FBXO34: variants seen among roughly 807,000 people sequenced by gnomAD.
FBXO34 encodes F-box protein 34, also known as F-box only protein 34.
FBXO34 carries 12 observed loss-of-function variants against 24.5 expected under a neutral mutation model. The ratio of observed to expected loss-of-function variants is 0.49; its 90% CI spans 0.31 to 0.79. The LOEUF is 0.79. Ranked by LOEUF, FBXO34 falls within the 30% of genes least tolerant of loss-of-function variation. The pLI is 0.04. For synonymous variants in FBXO34, 320 were observed against 311.9 expected, an observed-to-expected ratio of 1.03 and a Z score of -0.27; for missense variants, 823 against 857.7, an observed-to-expected ratio of 0.96 and a Z score of 0.51.
the FBXO34 span, among the ~76,000 whole-genome samples, chr14:55,439,459 C>T: frequency 0.096 from 14,617 of 151,640 alleles, 769 homozygotes; most frequent in African/African-American, 0.14. Context: ...GAAGTCACTA[C>T]AGCTAGCACA....
intron 1 of FBXO34, among the ~76,000 whole-genome samples, chr14:55,348,550 C>G (rs1361867891): frequency 6.6e-6 from 1 of 151,998 alleles, no homozygotes; most frequent in Non-Finnish European, 1.5e-5. Context: ...TAACTGTTTT[C>G]AGATACCAGT....
intron 1 of FBXO34, among the ~76,000 whole-genome samples, chr14:55,277,179 G>A (rs1329661283): frequency 6.6e-6 from 1 of 152,138 alleles, no homozygotes; most frequent in Non-Finnish European, 1.5e-5. Context: ...TTAATCTCCT[G>A]CAATCATATT....
At chr14:55,318,341 T>G (rs1166184568) in intron 1 of FBXO34, 1 of 2,254 alleles carries the variant, frequency 4.4e-4, no homozygotes, top group Non-Finnish European at 9.1e-3. Flanking sequence ...GTCATATATA[T>G]ATATATATAT....
chr14:55,349,023 C>T (rs1260600613), intron 1 of FBXO34, among the ~76,000 whole-genome samples: 4 of 152,088 alleles, frequency 2.6e-5, no homozygotes, highest in African/African-American at 4.8e-5. Flanking sequence ...GGTACTATTG[C>T]CTCACTCCCA....
chr14:55,362,835 A>T (rs1566573135), downstream of FBXO34, among the ~76,000 whole-genome samples: 1 of 148,656 alleles, frequency 6.7e-6, no homozygotes. Context: ...TGTCTTGACA[A>T]TTTTTTTTTT....
chr14:55,436,687 C>T, the FBXO34 span: 1 of 1,614,174 alleles, frequency 6.2e-7, no homozygotes, highest in Non-Finnish European at 8.5e-7. Context: ...GTCAGTATCA[C>T]CAGGGTGCAG....
chr14:55,315,092 T>C (rs1882883111), intron 1 of FBXO34, among the ~76,000 whole-genome samples: 1 of 152,260 alleles, frequency 6.6e-6, no homozygotes, highest in Non-Finnish European at 1.5e-5. Flanking sequence ...ATAACATTGC[T>C]TAGACTAGTA....
chr14:55,370,080 A>G (rs1216004947), downstream of FBXO34, among the ~76,000 whole-genome samples: 1 of 152,202 alleles, frequency 6.6e-6, no homozygotes, highest in Non-Finnish European at 1.5e-5. Context: ...TTGACATATG[A>G]TTGCGTTTTC....
rs1336814923 is a variant in FBXO34, at chr14:55,352,130, C to A, written c.1740C>A (p.His580Gln). The change falls in exon 2 of 2, where the codon CAC becomes CAA. Residue 580 changes from histidine (H) to glutamine (Q), a missense_variant. Coordinates refer to ENST00000313833, the MANE Select transcript of FBXO34 (RefSeq NM_017943.4). Reference protein sequence around the residue: ...EPQQYMAFLPHHIMVKIFRLL... With the variant: ...EPQQYMAFLPQHIMVKIFRLL... Reference sequence around the variant, plus strand: ...AGCAGTACATGGCTTTTCTGCCCCACCACATTATGGTAAAAATCTTCAGGT... The same window carrying A: ...AGCAGTACATGGCTTTTCTGCCCCAACACATTATGGTAAAAATCTTCAGGT... 2.5e-6 allele frequency: 4 copies of A among 1,614,154 alleles called. No individual in the cohort carries two copies. The highest frequency in any genetic ancestry group is 3.4e-6 in the Non-Finnish European group (4 of 1,180,014).
chr14:55,437,061 G>C, the FBXO34 span: 12 of 1,543,492 alleles, frequency 7.8e-6, no homozygotes, highest in Admixed American at 1.7e-5. Flanking sequence ...ACAACAGACA[G>C]AACAGCATGT....
the FBXO34 span, among the ~76,000 whole-genome samples, chr14:55,437,745 A>T: frequency 6.6e-6 from 1 of 152,234 alleles, no homozygotes; most frequent in African/African-American, 2.4e-5. Context: ...TTTGAGTTTT[A>T]AATGTAAATA....
chr14:55,349,562 T>C (rs1884268461), intron 1 of FBXO34, among the ~76,000 whole-genome samples: 1 of 151,800 alleles, frequency 6.6e-6, no homozygotes, highest in African/African-American at 2.4e-5. Flanking sequence ...CATCTAAATA[T>C]TCAGTATTCA....
At chr14:55,283,296 C>T (rs191355800) in intron 1 of FBXO34, among the ~76,000 whole-genome samples, 217 of 152,128 alleles carry the variant, frequency 1.4e-3, no homozygotes, top group South Asian at 2.3e-3. Context: ...AATACACCAA[C>T]ATTTTTAACT....
downstream of FBXO34, among the ~76,000 whole-genome samples, chr14:55,357,847 A>G (rs1267436445): frequency 6.6e-6 from 1 of 152,250 alleles, no homozygotes; most frequent in African/African-American, 2.4e-5. Context: ...CTAAAAATCA[A>G]TTAGTTAAAT....
chr14:55,318,624 C>G (rs1883022886), intron 1 of FBXO34, among the ~76,000 whole-genome samples: 1 of 150,980 alleles, frequency 6.6e-6, no homozygotes, highest in African/African-American at 2.4e-5. Context: ...CTTGTCCTCA[C>G]AAAGTTTTGG....
At chr14:55,396,400 G>A in the FBXO34 span, among the ~76,000 whole-genome samples, 2 of 152,196 alleles carry the variant, frequency 1.3e-5, no homozygotes, top group Non-Finnish European at 2.9e-5. Flanking sequence ...AAGTTTTTGT[G>A]TTTGAGTAAT....
the FBXO34 span, among the ~76,000 whole-genome samples, chr14:55,402,951 ATATATATATATATATAT>A: frequency 8.8e-5 from 7 of 79,462 alleles, no homozygotes; most frequent in South Asian, 4.6e-4. Flanking sequence ...ATATATATAT[ATATATATATATATATAT>A]AAATAGCTGG....
downstream of FBXO34, among the ~76,000 whole-genome samples, chr14:55,357,613 G>C (rs1331183647): frequency 3.3e-5 from 5 of 152,132 alleles, no homozygotes; most frequent in Non-Finnish European, 5.9e-5. Flanking sequence ...TCAGGAGTTT[G>C]AGACCAGGCT....
intron 1 of FBXO34, among the ~76,000 whole-genome samples, chr14:55,296,346 GA>G (rs1402527745): frequency 6.7e-6 from 1 of 149,736 alleles, no homozygotes; most frequent in African/African-American, 2.4e-5. Context: ...TGAAGGAGTA[GA>G]GGGGTAGACA....
Sources: gnomAD v4.1 joint callset for allele counts (sites outside exome capture counted in the v4.1 genomes callset) on GRCh38, gnomAD v4.1.1 for gene constraint, MANE v1.5 for transcripts, NCBI Gene and HGNC (gene_info 2026-07-23, HGNC 2026-07-21) for gene names.